RALYL: variants seen among roughly 807,000 people sequenced by gnomAD.
RALYL encodes RALY RNA binding protein like, also known as RNA-binding Raly-like protein.
Under a neutral mutation model 35.1 loss-of-function variants are expected in RALYL, and 29 were observed. That is an observed-to-expected ratio of 0.83 (90% CI 0.61 to 1.13). The LOEUF (loss-of-function observed/expected upper bound fraction) is 1.13, where lower values mean the gene tolerates loss of function less well. Ranked by LOEUF, RALYL falls within the 50% of genes most tolerant of loss-of-function variation. The pLI is 0.00. For synonymous variants in RALYL, 120 were observed against 127.6 expected (o/e 0.94, Z 0.40); for missense variants, 359 against 360.4 (o/e 1.00, Z 0.03).
intron 4 of RALYL, among the ~76,000 whole-genome samples, chr8:84,809,801 C>T (rs914804194): frequency 1.1e-4 from 16 of 151,850 alleles, no homozygotes; most frequent in African/African-American, 3.6e-4. Context: ...AATGATCTTT[C>T]GTATTTCAGT....
chr8:84,310,289 T>A (rs1842525432), intron 1 of RALYL, among the ~76,000 whole-genome samples: 1 of 152,120 alleles, frequency 6.6e-6, no homozygotes, highest in South Asian at 2.1e-4. Flanking sequence ...TCCACCTGCC[T>A]CAGCCTTCCA....
At chr8:84,596,956 G>A (rs1814694063) in intron 2 of RALYL, among the ~76,000 whole-genome samples, 1 of 152,094 alleles carries the variant, frequency 6.6e-6, no homozygotes, top group Non-Finnish European at 1.5e-5. Flanking sequence ...AAAGAAGCAG[G>A]ATGAGGGTTT....
intron 1 of RALYL, among the ~76,000 whole-genome samples, chr8:84,511,589 A>G (rs1036529987): frequency 2.0e-5 from 3 of 152,156 alleles, no homozygotes; most frequent in Non-Finnish European, 4.4e-5. Flanking sequence ...TTTGAAATTT[A>G]CAATATGTTA....
intron 1 of RALYL, among the ~76,000 whole-genome samples, chr8:84,196,419 CAT>C (rs993096536): frequency 3.3e-5 from 5 of 152,214 alleles, no homozygotes; most frequent in Admixed American, 2.0e-4. Context: ...TTCTAAAAGA[CAT>C]ATTAAAAAAG....
At chr8:84,678,957 C>T (rs865796298) in intron 2 of RALYL, 69 of 235,004 alleles carry the variant, frequency 2.9e-4, no homozygotes, top group African/African-American at 1.6e-3. Flanking sequence ...TGACATTCAA[C>T]AACTTCTTAA....
At chr8:84,792,806 A>G (rs188554138) in intron 3 of RALYL, among the ~76,000 whole-genome samples, 1 of 152,344 alleles carries the variant, frequency 6.6e-6, no homozygotes, top group Admixed American at 6.5e-5. Flanking sequence ...ACTGACTTCA[A>G]GAGAGAGGAA....
intron 1 of RALYL, among the ~76,000 whole-genome samples, chr8:84,396,048 G>A: frequency 6.6e-6 from 1 of 151,668 alleles, no homozygotes; most frequent in Non-Finnish European, 1.5e-5. Flanking sequence ...TGACTATATG[G>A]ACTAATTTAT....
intron 2 of RALYL, among the ~76,000 whole-genome samples, chr8:84,736,180 A>G (rs1229130690): frequency 6.6e-6 from 1 of 152,154 alleles, no homozygotes; most frequent in African/African-American, 2.4e-5. Flanking sequence ...AAATATATTC[A>G]TATACTGAAA....
chr8:84,269,727 G>A (rs1189464936), intron 1 of RALYL, among the ~76,000 whole-genome samples: 2 of 151,934 alleles, frequency 1.3e-5, no homozygotes, highest in Non-Finnish European at 2.9e-5. Context: ...ATATAATACT[G>A]TATGTATGGT....
chr8:84,510,438 T>A (rs915195127), intron 1 of RALYL, among the ~76,000 whole-genome samples: 1 of 152,186 alleles, frequency 6.6e-6, no homozygotes, highest in Admixed American at 6.5e-5. Flanking sequence ...GAGTATCATA[T>A]CACATACATT....
At chr8:84,225,497 T>C (rs1443607491) in intron 1 of RALYL, among the ~76,000 whole-genome samples, 1 of 152,208 alleles carries the variant, frequency 6.6e-6, no homozygotes, top group African/African-American at 2.4e-5. Context: ...CTTGTCTTGT[T>C]TCCTCTTGAT....
intron 1 of RALYL, among the ~76,000 whole-genome samples, chr8:84,281,840 T>G (rs1217894185): frequency 6.6e-6 from 1 of 152,150 alleles, no homozygotes; most frequent in East Asian, 1.9e-4. Flanking sequence ...TATATACACA[T>G]GCACACATAC....
In RALYL at chr8:84,564,531, A is replaced by G. The variant is rs188315436; in HGVS notation, c.256+34954A>G. ...TTTAAATTGTCAACATTTTATTGCT[A>G]AAGTCTTTTATGTTTTGCTGTCTGC... On this transcript the variant is annotated intron_variant, in intron 2 of 8. Transcript: ENST00000521268. Among the ~76,000 whole-genome samples, 372 of 151,828 alleles carry G rather than the reference A, an allele frequency of 2.5e-3. 1 individual carries two copies. The highest frequency in any genetic ancestry group is 8.7e-3 in the African/African-American group (360 of 41,522).
chr8:84,375,023 A>G (rs889653948), intron 1 of RALYL, among the ~76,000 whole-genome samples: 1 of 151,666 alleles, frequency 6.6e-6, no homozygotes, highest in African/African-American at 2.4e-5. Flanking sequence ...TCCTTTTTTG[A>G]AAATTTTTAC....
At chr8:84,214,725 A>G (rs892786131) in intron 1 of RALYL, among the ~76,000 whole-genome samples, 4 of 152,090 alleles carry the variant, frequency 2.6e-5, no homozygotes, top group Admixed American at 2.6e-4. Context: ...CTGTCATGTT[A>G]CCAGTGTCTG....
chr8:84,606,583 T>G (rs1445618792), intron 2 of RALYL, among the ~76,000 whole-genome samples: 1 of 152,196 alleles, frequency 6.6e-6, no homozygotes, highest in Non-Finnish European at 1.5e-5. Context: ...CCTGAAGACA[T>G]CAATATATTT....
At chr8:84,869,036 G>A (rs1839704445) in intron 6 of RALYL, among the ~76,000 whole-genome samples, 1 of 151,804 alleles carries the variant, frequency 6.6e-6, no homozygotes, top group Non-Finnish European at 1.5e-5. Flanking sequence ...TAAAGAAAGG[G>A]ACAGATGGGA....
At chr8:84,830,276 T>C (rs1025772196) in intron 4 of RALYL, among the ~76,000 whole-genome samples, 12 of 152,252 alleles carry the variant, frequency 7.9e-5, no homozygotes, top group African/African-American at 1.4e-4. Context: ...GTTGCAAATA[T>C]AGAATCCATG....
chr8:84,863,169 G>A (rs1192475452), intron 6 of RALYL, among the ~76,000 whole-genome samples: 1 of 152,162 alleles, frequency 6.6e-6, no homozygotes, highest in Non-Finnish European at 1.5e-5. Context: ...ATAATAAGCT[G>A]ACCTATAGGT....
Sources: gnomAD v4.1 joint callset for allele counts (sites outside exome capture counted in the v4.1 genomes callset) on GRCh38, gnomAD v4.1.1 for gene constraint, MANE v1.5 for transcripts, NCBI Gene and HGNC (gene_info 2026-07-23, HGNC 2026-07-21) for gene names.